EDIL3: variants seen among roughly 807,000 people sequenced by gnomAD.
EDIL3 encodes EGF like and discoidin domains 3.
EDIL3 carries 37 observed loss-of-function variants against 67.4 expected under a neutral mutation model. The observed-to-expected ratio is 0.55, with a 90% CI of 0.42 to 0.72. EDIL3 has a LOEUF of 0.72. EDIL3 is among the 30% of genes least tolerant of loss of function. The probability of loss-of-function intolerance (pLI) is 0.00; values close to 1 mark genes in which losing one functional copy is unlikely to be tolerated. For missense variants in EDIL3, 527 were observed against 586.3 expected, an observed-to-expected ratio of 0.90 and a Z score of 1.04; for synonymous variants, 195 against 196.3, an observed-to-expected ratio of 0.99 and a Z score of 0.05.
At chr5:84,382,328 G>C (rs898497245) in intron 1 of EDIL3, among the ~76,000 whole-genome samples, 3 of 152,180 alleles carry the variant, frequency 2.0e-5, no homozygotes, top group Non-Finnish European at 2.9e-5. Context: ...CTCGGCGCGG[G>C]TATCTTCAGG....
At chr5:83,972,216 GTT>G (rs1278214648) in intron 9 of EDIL3, among the ~76,000 whole-genome samples, 2 of 152,104 alleles carry the variant, frequency 1.3e-5, no homozygotes, top group East Asian at 3.9e-4. Context: ...ATTACTGAAG[GTT>G]TACTCTGTCT....
In EDIL3 at chr5:84,151,971, T is replaced by C. The variant is rs550875780; in HGVS notation, c.356-14617A>G. On this transcript the variant is annotated intron_variant, in intron 4 of 10. Transcript: ENST00000296591. The stretch of plus-strand genomic sequence containing the variant: ...ATCTGTAGCCCACGCAGGAGAGCAG[T>C]GGCACGATCTAGGCTCACTGCAACC... 7.2e-5 allele frequency among the ~76,000 whole-genome samples: 11 copies of C among 151,820 alleles called. No individual in the cohort carries two copies. The East Asian group carries it at 2.1e-3, about 29-fold the overall frequency.
chr5:84,137,380 A>T, intron 4 of EDIL3, 26 bp from the exon 5 acceptor site: 1 of 1,582,864 alleles, frequency 6.3e-7, no homozygotes, highest in Non-Finnish European at 8.6e-7. Context: ...AGGACAGAGG[A>T]AGAGAATTAT....
intron 9 of EDIL3, among the ~76,000 whole-genome samples, chr5:83,971,059 T>G (rs977771553): frequency 3.2e-4 from 48 of 151,844 alleles, no homozygotes; most frequent in African/African-American, 1.1e-3. Context: ...TTCATTTATT[T>G]ATTATTTTCC....
intron 3 of EDIL3, among the ~76,000 whole-genome samples, chr5:84,192,256 C>T (rs1426024506): frequency 6.6e-6 from 1 of 151,706 alleles, no homozygotes; most frequent in Non-Finnish European, 1.5e-5. Flanking sequence ...TCCTCCATAG[C>T]TACCCACCAT....
chr5:84,361,270 AACAC>A (rs10553087), intron 1 of EDIL3, among the ~76,000 whole-genome samples: 3,585 of 147,308 alleles, frequency 0.024, 151 homozygotes, highest in African/African-American at 0.083. Flanking sequence ...AGGTCATTAC[AACAC>A]ACACACACAC....
intron 3 of EDIL3, among the ~76,000 whole-genome samples, chr5:84,226,679 T>C (rs1036228963): frequency 2.0e-5 from 3 of 151,928 alleles, no homozygotes; most frequent in Admixed American, 6.6e-5. Context: ...ATTTTCTCAA[T>C]GTTAATATAA....
chr5:84,371,053 C>T (rs968410890), intron 1 of EDIL3, among the ~76,000 whole-genome samples: 7 of 151,522 alleles, frequency 4.6e-5, no homozygotes, highest in African/African-American at 9.7e-5. Context: ...AGCTTACAGT[C>T]TATTGGAAAT....
At chr5:84,205,989 T>G (rs1241814983) in intron 3 of EDIL3, among the ~76,000 whole-genome samples, 2 of 152,112 alleles carry the variant, frequency 1.3e-5, no homozygotes, top group Non-Finnish European at 2.9e-5. Context: ...TTTCTAGCTC[T>G]TGTAATTGTG....
chr5:84,150,772 A>G (rs1027041846), intron 4 of EDIL3, among the ~76,000 whole-genome samples: 4 of 152,174 alleles, frequency 2.6e-5, no homozygotes, highest in African/African-American at 9.6e-5. Context: ...TTCTACTCCT[A>G]CATATTTATC....
At chr5:84,253,013 C>T (rs1221509503) in intron 2 of EDIL3, among the ~76,000 whole-genome samples, 2 of 152,110 alleles carry the variant, frequency 1.3e-5, no homozygotes, top group East Asian at 3.9e-4. Flanking sequence ...AAATAAAGCA[C>T]ACTACAATCC....
Position 84,318,293 on chromosome 5 carries a change from T to C in EDIL3, c.68-64081A>G, listed in dbSNP as rs183818596. On this transcript the variant is annotated intron_variant, in intron 1 of 10. Coordinates refer to ENST00000296591, the MANE Select transcript of EDIL3 (RefSeq NM_005711.5). Reference sequence around the variant, plus strand: ...AGCTACCACAATTTTCCTCACAGAATTGGAAAAAACTACTTTGAATTTCAT... The same window carrying C: ...AGCTACCACAATTTTCCTCACAGAACTGGAAAAAACTACTTTGAATTTCAT... 2.0e-4 allele frequency among the ~76,000 whole-genome samples: 30 copies of C among 152,194 alleles called. No homozygotes were observed. In the East Asian group the frequency reaches 3.7e-3, roughly 19 times the overall value.
rs548042458 is a variant in EDIL3, at chr5:84,161,926, T to A, written c.355+18467A>T. 3.9e-5 allele frequency among the ~76,000 whole-genome samples: 6 copies of A among 152,182 alleles called. No homozygotes were observed. The East Asian group carries it at 1.2e-3, about 29-fold the overall frequency. On this transcript the variant is annotated intron_variant, in intron 4 of 10. Coordinates refer to ENST00000296591, the MANE Select transcript of EDIL3 (RefSeq NM_005711.5). Reference sequence around the variant, plus strand: ...TTAGAACTCTAAATTTAGAACTAGGTTGGAATTTAGAATTTAGAATTGAGG... The same window carrying A: ...TTAGAACTCTAAATTTAGAACTAGGATGGAATTTAGAATTTAGAATTGAGG...
At chr5:84,228,413 A>AAC (rs1334752566) in intron 3 of EDIL3, among the ~76,000 whole-genome samples, 1 of 152,162 alleles carries the variant, frequency 6.6e-6, no homozygotes, top group Non-Finnish European at 1.5e-5. Flanking sequence ...AGTCAGGGCA[A>AAC]ACAGAAAGCA....
At chr5:84,259,105 G>A (rs941250165) in intron 1 of EDIL3, among the ~76,000 whole-genome samples, 3 of 149,660 alleles carry the variant, frequency 2.0e-5, no homozygotes, top group East Asian at 4.1e-4. Flanking sequence ...GACTACAGTC[G>A]CCCGCCACCA....
At chr5:84,217,763 CAT>C (rs1491440783) in intron 3 of EDIL3, among the ~76,000 whole-genome samples, 2,564 of 149,514 alleles carry the variant, frequency 0.017, 55 homozygotes, top group East Asian at 0.089. Flanking sequence ...CACACACACA[CAT>C]CCTTCTGGTT....
chr5:84,226,676 C>T (rs1353558025), intron 3 of EDIL3, among the ~76,000 whole-genome samples: 2 of 151,848 alleles, frequency 1.3e-5, no homozygotes, highest in African/African-American at 4.8e-5. Flanking sequence ...CACATTTTCT[C>T]AATGTTAATA....
chr5:84,132,253 A>G (rs1379077966), intron 5 of EDIL3, among the ~76,000 whole-genome samples: 3 of 125,246 alleles, frequency 2.4e-5, no homozygotes, highest in African/African-American at 9.3e-5. Context: ...AAAAAGAAAA[A>G]ATATATATAT....
chr5:84,110,623 GA>G (rs971544149), intron 5 of EDIL3, among the ~76,000 whole-genome samples: 12 of 152,014 alleles, frequency 7.9e-5, no homozygotes, highest in African/African-American at 2.7e-4. Flanking sequence ...AATACTTCAA[GA>G]AAAAAATGTT....
Sources: gnomAD v4.1 joint callset for allele counts (sites outside exome capture counted in the v4.1 genomes callset) on GRCh38, gnomAD v4.1.1 for gene constraint, MANE v1.5 for transcripts, NCBI Gene and HGNC (gene_info 2026-07-23, HGNC 2026-07-21) for gene names.